The following HACL1 variants were observed in gnomAD, a reference collection of about 807,000 sequenced individuals.
HACL1 encodes 1600020H07Rik.
In HACL1, 64 loss-of-function variants were observed where a neutral mutation model predicts 74.2. That is an observed-to-expected ratio of 0.86 (90% CI 0.70 to 1.06). The LOEUF is 1.06. HACL1 is among the 50% of genes least tolerant of loss of function. The probability of loss-of-function intolerance (pLI) is 0.00; values close to 1 mark genes in which losing one functional copy is unlikely to be tolerated. For synonymous variants in HACL1, 230 were observed against 238.8 expected (o/e 0.96, Z 0.34); for missense variants, 728 against 719.7 (o/e 1.01, Z -0.13).
At chr3:15,578,584 A>T (rs181311754) in intron 9 of HACL1, among the ~76,000 whole-genome samples, 320 of 152,304 alleles carry the variant, frequency 2.1e-3, no homozygotes, top group African/African-American at 7.3e-3. Flanking sequence ...AGGATCAGGA[A>T]AAGGGCCACT....
At chr3:15,563,934 G>A (rs1407522635) in intron 15 of HACL1, among the ~76,000 whole-genome samples, 1 of 152,042 alleles carries the variant, frequency 6.6e-6, no homozygotes, top group African/African-American at 2.4e-5. Flanking sequence ...AGACAGCACA[G>A]GCTACATTAT....
chr3:15,600,928 T>G, intron 2 of HACL1, 162 bp downstream of exon 2: 1 of 629,818 alleles, frequency 1.6e-6, no homozygotes, highest in East Asian at 2.8e-5. Flanking sequence ...TTTTCTCATC[T>G]GTCAACTTGG....
intron 3 of HACL1, 56 bp downstream of exon 3, chr3:15,596,328 T>C: frequency 1.1e-6 from 1 of 887,348 alleles, no homozygotes; most frequent in Non-Finnish European, 1.9e-6. Context: ...CTGAAAGACG[T>C]AATAGTTCTA....
At chr3:15,562,514 C>T (rs2063360193) in intron 16 of HACL1, among the ~76,000 whole-genome samples, 1 of 151,940 alleles carries the variant, frequency 6.6e-6, no homozygotes, top group South Asian at 2.1e-4. Context: ...CCCATTCATC[C>T]ACCGCTTTGT....
intron 2 of HACL1, among the ~76,000 whole-genome samples, chr3:15,598,489 ATC>A (rs986740770): frequency 2.2e-4 from 34 of 152,144 alleles, no homozygotes; most frequent in Admixed American, 3.9e-4. Context: ...GTTGCTCTAA[ATC>A]TCTGTTTCTT....
chr3:15,585,671 A>C (rs527462854), intron 6 of HACL1, among the ~76,000 whole-genome samples: 1 of 152,304 alleles, frequency 6.6e-6, no homozygotes, highest in South Asian at 2.1e-4. Context: ...TCCTAATCTT[A>C]GTAATCTGGC....
chr3:15,598,284 G>A (rs2064109214), intron 2 of HACL1, among the ~76,000 whole-genome samples: 1 of 152,094 alleles, frequency 6.6e-6, no homozygotes, highest in Admixed American at 6.5e-5. Flanking sequence ...GCCTCCCAAA[G>A]TGCTGGGATT....
chr3:15,571,227 G>A (rs1005410626), intron 12 of HACL1, among the ~76,000 whole-genome samples: 2 of 151,290 alleles, frequency 1.3e-5, no homozygotes, highest in African/African-American at 2.4e-5. Flanking sequence ...TTACTGCCTT[G>A]GCCTCCTAAA....
At chr3:15,583,043 G>T in intron 7 of HACL1, 54 bp from the exon 8 acceptor site, 1 of 831,880 alleles carries the variant, frequency 1.2e-6, no homozygotes, top group Non-Finnish European at 2.0e-6. Context: ...TCTTTTTATT[G>T]TGAAAATTTC....
At chr3:15,585,778 T>C (rs569272539) in intron 6 of HACL1, among the ~76,000 whole-genome samples, 1 of 152,344 alleles carries the variant, frequency 6.6e-6, no homozygotes, top group East Asian at 1.9e-4. Flanking sequence ...GTATAAATGC[T>C]GATTATAATT....
Position 15,592,114 on chromosome 3 carries a change from C to T in HACL1, c.228-434G>A, listed in dbSNP as rs1280414189. Among the ~76,000 whole-genome samples, 688 of 132,158 alleles carry T rather than the reference C, an allele frequency of 5.2e-3. 34 individuals carry two copies. Among genetic ancestry groups the T allele is most frequent in the East Asian group, 0.019 (70 of 3,754 alleles). 86.7% of individuals were successfully genotyped at this position (132,158 alleles called of 152,430 possible). On this transcript the variant is annotated intron_variant, in intron 3 of 16. Coordinates refer to ENST00000321169, the MANE Select transcript of HACL1 (RefSeq NM_012260.4). ...CACACACTATATACGTATATATACACACTATATACGTATACATACGTGTAT... is the reference window on the plus strand; with the variant it reads ...CACACACTATATACGTATATATACATACTATATACGTATACATACGTGTAT...
At chr3:15,564,684 A>T in intron 14 of HACL1, 26 bp from the exon 15 acceptor site, 3 of 902,274 alleles carry the variant, frequency 3.3e-6, no homozygotes, top group Non-Finnish European at 5.3e-6. Context: ...AATATGAAGG[A>T]AATCATTCTT....
At chr3:15,570,634 GCACA>G (rs111413291) in intron 12 of HACL1, among the ~76,000 whole-genome samples, 5 of 148,036 alleles carry the variant, frequency 3.4e-5, no homozygotes, top group African/African-American at 9.9e-5. Context: ...ACACACACAT[GCACA>G]CACACACACA....
chr3:15,597,623 A>C (rs1344917613), intron 2 of HACL1, among the ~76,000 whole-genome samples: 2 of 134,380 alleles, frequency 1.5e-5, no homozygotes, highest in Admixed American at 1.5e-4. Context: ...CATTAACGAC[A>C]TAAATGTGGA....
In HACL1 at chr3:15,589,625, T is replaced by C. The variant is rs1178206836; in HGVS notation, c.309-13A>G. On this transcript the variant is annotated splice_polypyrimidine_tract_variant and intron_variant, in intron 4 of 16. Coordinates refer to ENST00000321169, the MANE Select transcript of HACL1 (RefSeq NM_012260.4). ...CACAAGCAAGGGCCTGAAACAATCA[T>C]TTTTTTAACAAGATAATTACAAATT... The C allele has an allele frequency of 6.5e-7, 1 of 1,547,870 alleles. No individual in the cohort carries two copies. The highest frequency in any genetic ancestry group is 1.1e-5 in the South Asian group (1 of 88,928).
Position 15,583,006 on chromosome 3 carries a change from C to T in HACL1, c.555-17G>A, listed in dbSNP as rs1265073866. On this transcript the variant is annotated splice_polypyrimidine_tract_variant and intron_variant, in intron 7 of 16. Transcript: ENST00000321169. Reference sequence around the variant, plus strand: ...TCCATGTACCTGGAAAAAAAGAGCCCTATTAATTAAAAGAGGCCAACTATG... The same window carrying T: ...TCCATGTACCTGGAAAAAAAGAGCCTTATTAATTAAAAGAGGCCAACTATG... The T allele has an allele frequency of 4.6e-6, 6 of 1,303,478 alleles. No individual in the cohort carries two copies. The highest frequency in any genetic ancestry group is 2.3e-5 in the East Asian group (1 of 43,134). The allele number at this position is 1,303,478 out of a possible 1,614,324, so 80.7% of individuals were successfully genotyped here.
chr3:15,591,983 T>A (rs1472481245), intron 3 of HACL1, among the ~76,000 whole-genome samples: 1 of 149,338 alleles, frequency 6.7e-6, no homozygotes, highest in Non-Finnish European at 1.5e-5. Flanking sequence ...ATATACACAC[T>A]ATATACCTAT....
At chr3:15,591,246 T>C (rs2063887175) in intron 4 of HACL1, among the ~76,000 whole-genome samples, 1 of 152,154 alleles carries the variant, frequency 6.6e-6, no homozygotes, top group African/African-American at 2.4e-5. Flanking sequence ...TTCATGTTAC[T>C]TTTTTTCCTA....
chr3:15,578,743 C>T (rs2125252102), intron 9 of HACL1, among the ~76,000 whole-genome samples: 1 of 152,206 alleles, frequency 6.6e-6, no homozygotes, highest in Admixed American at 6.5e-5. Context: ...ATCTTTGAGG[C>T]AAGAGGGATT....
Sources: allele counts gnomAD v4.1 joint callset (sites outside exome capture counted in the v4.1 genomes callset), GRCh38; gene constraint gnomAD v4.1.1; transcripts MANE v1.5; gene names NCBI Gene and HGNC (gene_info 2026-07-23, HGNC 2026-07-21).